The following CEP170B variants were observed in gnomAD, a reference collection of about 807,000 sequenced individuals.
The protein encoded by CEP170B is centrosomal protein of 170 kDa protein B.
In CEP170B, 55 loss-of-function variants were observed where a neutral mutation model predicts 120.6. The observed-to-expected ratio is 0.46, with a 90% CI of 0.37 to 0.57. The LOEUF is 0.57. Among genes scored for constraint, CEP170B ranks in the 20% least tolerant of loss-of-function variants. The pLI is 0.00. For missense variants in CEP170B, 2,212 were observed against 2,253.3 expected (o/e 0.98, Z 0.37); for synonymous variants, 1,033 against 954.5 (o/e 1.08, Z -1.52).
upstream of CEP170B, among the ~76,000 whole-genome samples, chr14:104,865,037 T>C (rs1252649357): frequency 5.9e-5 from 4 of 67,938 alleles, no homozygotes; most frequent in African/African-American, 2.2e-4. This position sits in a 1 kb window ranked among gnomAD's most constrained non-coding sequence, Gnocchi z 6.7. Flanking sequence ...CAGCGGGGCC[T>C]GGGCGGTGGG....
chr14:104,875,514 G>A lies in CEP170B; in HGVS notation c.106-742G>A, dbSNP rs186514251. Among the ~76,000 whole-genome samples the A allele has an allele frequency of 2.6e-3, 396 of 152,210 alleles. 4 individuals carry two copies. The highest frequency in any genetic ancestry group is 8.9e-3 in the African/African-American group (371 of 41,538). On this transcript the variant is annotated intron_variant, in intron 2 of 18. Coordinates refer to ENST00000414716, the MANE Select transcript of CEP170B (RefSeq NM_001112726.3). ...CAGGGTGCTGTGTGGAGTGGAGGCCGGGTGGGCAGCAGCCGTGCTTGCAGC... is the reference window on the plus strand; with the variant it reads ...CAGGGTGCTGTGTGGAGTGGAGGCCAGGTGGGCAGCAGCCGTGCTTGCAGC...
Position 104,880,567 on chromosome 14 carries a change from C to T in CEP170B, c.472+142C>T, listed in dbSNP as rs1241443536. 6 of 1,267,282 alleles carry T rather than the reference C, an allele frequency of 4.7e-6. No homozygotes were observed. In the African/African-American group the frequency reaches 8.9e-5, roughly 19 times the overall value. 78.5% of individuals were successfully genotyped at this position (1,267,282 alleles called of 1,614,324 possible). On this transcript the variant is annotated intron_variant, in intron 6 of 18. Transcript: ENST00000414716. ...ACCCCTCACCCTTTGCACACACCTA[C>T]CCTTGCACATGCACACCCCTCACCC...
At chr14:104,878,013 G>A (rs1895954902) in intron 4 of CEP170B, 50 bp downstream of exon 4, 2 of 1,410,702 alleles carry the variant, frequency 1.4e-6, no homozygotes, top group African/African-American at 1.4e-5. Context: ...TCAGTCCCCA[G>A]GACCACAGTC....
In CEP170B at chr14:104,867,324, T is replaced by G. The variant is rs1895252295; in HGVS notation, c.-27-1100T>G. Among the ~76,000 whole-genome samples, 1 of 152,166 alleles carries G rather than the reference T, an allele frequency of 6.6e-6. No homozygotes were observed. Among genetic ancestry groups the G allele is most frequent in the Non-Finnish European group, 1.5e-5 (1 of 68,018 alleles). ...ACTTCCACCCCTGTCCTGCTGAGCC[T>G]GGAGGCTGCCTCCCAGTGAGCCCCC... is the stretch of plus-strand genomic sequence containing the variant. On this transcript the variant is annotated intron_variant, in intron 1 of 18. Transcript: ENST00000414716. This position sits in a 1 kb window ranked among gnomAD's most constrained non-coding sequence, Gnocchi z 5.4.
rs777122202 is a variant in CEP170B at position 104,893,769 on chromosome 14, C to T, written c.4191C>T (p.Phe1397=). ...TRPRNREEVI[F]DNLMLNPVSQ... is the part of the protein sequence containing the mutation. ...AGGCCGGGCTCTTGCAGGTGATCTT[C>T]GATAACCTGATGCTGAACCCGGTGT... Residue 1397 remains phenylalanine, a synonymous_variant, in exon 16 of 19, where the codon TTC becomes TTT. Coordinates refer to ENST00000414716, the MANE Select transcript of CEP170B (RefSeq NM_001112726.3). The T allele has an allele frequency of 1.1e-5, 18 of 1,609,438 alleles. No individual in the cohort carries two copies. The Admixed American group carries it at 1.5e-4, about 14-fold the overall frequency.
chr14:104,883,799 C>A (rs1358439949), intron 8 of CEP170B, 32 bp from the exon 9 acceptor site: 6 of 1,493,846 alleles, frequency 4.0e-6, no homozygotes, highest in Non-Finnish European at 5.4e-6. Flanking sequence ...TTTCTCTCGG[C>A]CTGACAAGGT....
chr14:104,882,612 T>A, intron 6 of CEP170B, 116 bp from the exon 7 acceptor site: 1 of 751,848 alleles, frequency 1.3e-6, no homozygotes, highest in Non-Finnish European at 2.1e-6. Flanking sequence ...AGGGCCAAGC[T>A]GGGAGGTGAT....
intron 2 of CEP170B, among the ~76,000 whole-genome samples, chr14:104,872,709 C>T (rs1313680505): frequency 6.6e-6 from 1 of 152,122 alleles, no homozygotes; most frequent in Non-Finnish European, 1.5e-5. Context: ...AGCCGGTCTG[C>T]TGCGGGTGCC....
chr14:104,886,626 C>A lies in CEP170B; in HGVS notation c.2387C>A (p.Ser796Tyr). 1 of 1,522,790 alleles carries A rather than the reference C, an allele frequency of 6.6e-7. No homozygotes were observed. Among genetic ancestry groups the A allele is most frequent in the South Asian group, 1.3e-5 (1 of 75,660 alleles). The allele number at this position is 1,522,790 out of a possible 1,614,324, so 94.3% of individuals were successfully genotyped here. Residue 796 changes from serine to tyrosine, a missense_variant, in exon 12 of 19, where the codon TCT becomes TAT. By Grantham distance (144) the Ser-to-Tyr change is moderately radical (BLOSUM62 -2). This residue lies in a region of CEP170B where 2,166 missense variants were observed against 2,166.7 expected (regional missense o/e 1.00). Coordinates refer to ENST00000414716, the MANE Select transcript of CEP170B (RefSeq NM_001112726.3). ...GCCCCCGGGGAGCCAACTCCCGCCT[C>A]TTTCTTCATTGGGGACCAGAATGGG... ...PRAPGEPTPASFFIGDQNGDA... is the reference protein window; with the variant it reads ...PRAPGEPTPAYFFIGDQNGDA...
intron 2 of CEP170B, among the ~76,000 whole-genome samples, chr14:104,874,103 C>T (rs1374657659): frequency 6.6e-6 from 1 of 152,146 alleles, no homozygotes; most frequent in Non-Finnish European, 1.5e-5. Context: ...TGAGGTGTCT[C>T]CAGCAGCCAT....
Position 104,893,636 on chromosome 14 carries a change from C to A in CEP170B, c.4152C>A (p.Ala1384=). The change falls in exon 15 of 19, where the codon GCC becomes GCA. Residue 1384 remains alanine (A), a synonymous_variant. Coordinates refer to ENST00000414716, the MANE Select transcript of CEP170B (RefSeq NM_001112726.3). ...NMNDSCEDAL[A]NKTRPRNREE... ...ACGACAGCTGTGAGGACGCCCTGGC[C>A]AACAAGACGCGGCCTCGGAACCGAG... 2 of 1,594,018 alleles carry A rather than the reference C, an allele frequency of 1.3e-6. No homozygotes were observed. Among genetic ancestry groups the A allele is most frequent in the Non-Finnish European group, 8.5e-7 (1 of 1,171,534 alleles).
chr14:104,868,361 A>G lies in CEP170B; in HGVS notation c.-27-63A>G. The G allele has an allele frequency of 2.6e-6, 3 of 1,168,420 alleles. No homozygotes were observed. Among genetic ancestry groups the G allele is most frequent in the Non-Finnish European group, 3.6e-6 (3 of 822,240 alleles). The allele number at this position is 1,168,420 out of a possible 1,614,324, so 72.4% of individuals were successfully genotyped here. Reference sequence around the variant, plus strand: ...GGTCAGGATCTGGGCTGGGCCTTGGATGTGTCCAGGGGGCTAAGAACCAGG... The same window carrying G: ...GGTCAGGATCTGGGCTGGGCCTTGGGTGTGTCCAGGGGGCTAAGAACCAGG... On this transcript the variant is annotated intron_variant, in intron 1 of 18. Coordinates refer to ENST00000414716, the MANE Select transcript of CEP170B (RefSeq NM_001112726.3). The surrounding 1 kb of genome is among the most constrained non-coding windows in gnomAD (Gnocchi z 5.9).
Position 104,885,485 on chromosome 14 carries a change from G to A in CEP170B, c.1887G>A (p.Ala629=), listed in dbSNP as rs375255381. 8.3e-6 allele frequency: 13 copies of A among 1,565,104 alleles called. No homozygotes were observed. The Admixed American group carries it at 9.5e-5, about 11-fold the overall frequency. The change falls in exon 10 of 19, where the codon GCG becomes GCA. Residue 629 remains alanine (A), a synonymous_variant. Coordinates refer to ENST00000414716, the MANE Select transcript of CEP170B (RefSeq NM_001112726.3). The part of the protein sequence containing the change: ...SDDGGVAQRM[A]LLQEFASRPL... ...ACGGGGGCGTGGCCCAGCGGATGGC[G>A]CTACTGCAGGAGTTTGCCTCCCGGC... is the stretch of plus-strand genomic sequence containing the variant.
Position 104,887,477 on chromosome 14 carries a change from C to T in CEP170B, c.3238C>T (p.Arg1080Trp), listed in dbSNP as rs752550255. 16 of 1,611,826 alleles carry T rather than the reference C, an allele frequency of 9.9e-6. No individual in the cohort carries two copies. Among genetic ancestry groups the T allele is most frequent in the South Asian group, 3.3e-5 (3 of 90,984 alleles). Reference sequence around the variant, plus strand: ...CGGGGCAGGACGGCTAGGTTCTCGCCGGAAACCAGCGGCCCCACCGCCATC... The same window carrying T: ...CGGGGCAGGACGGCTAGGTTCTCGCTGGAAACCAGCGGCCCCACCGCCATC... The part of the protein sequence containing the change: ...ATGAGRLGSR[R>W]KPAAPPPSPA... Residue 1080 changes from arginine to tryptophan, a missense_variant, in exon 12 of 19, where the codon CGG (arginine) becomes TGG (tryptophan). Arg to Trp is a moderately radical substitution (Grantham distance 101). Transcript: ENST00000414716.
intron 2 of CEP170B, among the ~76,000 whole-genome samples, chr14:104,874,789 G>A (rs1895749210): frequency 2.6e-5 from 4 of 151,540 alleles, no homozygotes; most frequent in African/African-American, 9.7e-5. Context: ...CGTGGCTTGA[G>A]CCAGGCACCC....
intron 12 of CEP170B, 122 bp downstream of exon 12, chr14:104,888,100 G>C: frequency 1.8e-6 from 2 of 1,126,026 alleles, no homozygotes; most frequent in Non-Finnish European, 2.4e-6. Flanking sequence ...AGGAGCCTCT[G>C]TTCCCAAAGC....
chr14:104,878,531 G>A, intron 5 of CEP170B, 30 bp downstream of exon 5: 1 of 1,604,800 alleles, frequency 6.2e-7, no homozygotes, highest in Non-Finnish European at 8.5e-7. Context: ...GGGTGGCTCA[G>A]CCACGAGGGC....
chr14:104,887,831 C>T lies in CEP170B; in HGVS notation c.3592C>T (p.Arg1198Cys), dbSNP rs373094379. ...CCCTGCCCGCACCAGCTTCTCTGGC[C>T]GCAGTGTGGAGTTGTGCTGTGCCAG... is the stretch of plus-strand genomic sequence containing the variant. ...AAPARTSFSGRSVELCCASRK... is the reference protein window; with the variant it reads ...AAPARTSFSGCSVELCCASRK... Residue 1198 changes from arginine (R) to cysteine (C), a missense_variant, in exon 12 of 19, where the codon CGC becomes TGC. By Grantham distance (180) the Arg-to-Cys change is radical. This residue lies in a region of CEP170B where 2,166 missense variants were observed against 2,166.7 expected (regional missense o/e 1.00). Transcript: ENST00000414716. 7.1e-5 allele frequency: 113 copies of T among 1,585,324 alleles called. No individual in the cohort carries two copies. The highest frequency in any genetic ancestry group is 5.4e-5 in the African/African-American group (4 of 74,640).
In CEP170B at chr14:104,895,155, A is replaced by T; in HGVS notation, c.*197A>T. On this transcript the variant is annotated 3_prime_UTR_variant, in exon 19 of 19. Coordinates refer to ENST00000414716, the MANE Select transcript of CEP170B (RefSeq NM_001112726.3). ...CACCCTACTCACCCTGTCCAGCCCC[A>T]TGGCCACCCCCACCCCTGCCTCGCC... is the stretch of plus-strand genomic sequence containing the variant. 1.8e-6 allele frequency: 1 copy of T among 560,524 alleles called. No homozygotes were observed. Among genetic ancestry groups the T allele is most frequent in the East Asian group, 3.3e-5 (1 of 30,580 alleles). The allele number at this position is 560,524 out of a possible 1,614,324, so 34.7% of individuals were successfully genotyped here.
Sources: gnomAD v4.1 joint callset for allele counts (sites outside exome capture counted in the v4.1 genomes callset) on GRCh38, gnomAD v4.1.1 for gene constraint, gnomAD v4.1.1 regional missense constraint, Gnocchi (gnomAD v3.1) non-coding constraint, MANE v1.5 for transcripts, NCBI Gene and HGNC (gene_info 2026-07-23, HGNC 2026-07-21) for gene names.